Variants in MTOR observed in about 807,000 individuals in gnomAD.
MTOR encodes mechanistic target of rapamycin kinase.
MTOR carries 70 observed loss-of-function variants against 319.8 expected under a neutral mutation model. That is an observed-to-expected ratio of 0.22 (90% CI 0.18 to 0.27). The LOEUF (loss-of-function observed/expected upper bound fraction) is 0.27. Among genes scored for constraint, MTOR ranks in the 10% least tolerant of loss-of-function variants. The pLI is 1.00. For synonymous variants in MTOR, 1,183 were observed against 1,211.4 expected, an observed-to-expected ratio of 0.98 and a Z score of 0.49; for missense variants, 1,890 against 3,274.4, an observed-to-expected ratio of 0.58 and a Z score of 10.32.
At position 11,257,184 on chromosome 1, in the gene MTOR, CA is replaced by C; in HGVS notation, c.272-20del. On this transcript the variant is annotated intron_variant, in intron 3 of 57. Transcript: ENST00000361445. ...AGGCTAGCTGCAAAAGAGAGGAAGG[CA>C]AAAGGTGATGATGGGGCGTATGCTG... 6.3e-7 allele frequency: 1 copy of C among 1,598,788 alleles called. No individual in the cohort carries two copies. The highest frequency in any genetic ancestry group is 1.3e-5 in the African/African-American group (1 of 74,740).
At position 11,111,345 on chromosome 1, in the gene MTOR, G is replaced by A. The variant is rs955252040; in HGVS notation, c.7366+1507C>T. 5.3e-5 allele frequency among the ~76,000 whole-genome samples: 8 copies of A among 152,122 alleles called. No individual in the cohort carries two copies. In the South Asian group the frequency reaches 1.7e-3, roughly 32 times the overall value. On this transcript the variant is annotated intron_variant, in intron 54 of 57. Transcript: ENST00000361445. ...AATTCAAAAAAATTAGCTGAGCATGGTGGCATGCGTCTGTAATCCCAGCTA... is the reference window on the plus strand; with the variant it reads ...AATTCAAAAAAATTAGCTGAGCATGATGGCATGCGTCTGTAATCCCAGCTA...
Position 11,133,745 on chromosome 1 carries a change from C to T in MTOR, c.5247-548G>A, listed in dbSNP as rs1643270488. Among the ~76,000 whole-genome samples the T allele has an allele frequency of 6.6e-6, 1 of 152,228 alleles. No individual in the cohort carries two copies. The highest frequency in any genetic ancestry group is 2.1e-4 in the South Asian group (1 of 4,830). ...ACTGAGGCATAGAGAGGTTAAGTCA[C>T]TTCTCTGAAGTCAAATATCAAATCT... is the stretch of plus-strand genomic sequence containing the variant. On this transcript the variant is annotated intron_variant, in intron 37 of 57. Coordinates refer to ENST00000361445, the MANE Select transcript of MTOR (RefSeq NM_004958.4). The surrounding 1 kb of genome is among the most constrained non-coding windows in gnomAD (Gnocchi z 4.0).
intron 28 of MTOR, among the ~76,000 whole-genome samples, chr1:11,183,006 A>G (rs1365903922): frequency 6.6e-6 from 1 of 152,190 alleles, no homozygotes; most frequent in Non-Finnish European, 1.5e-5. Context: ...AGTTACATAT[A>G]AGGATATGTT....
intron 28 of MTOR, among the ~76,000 whole-genome samples, chr1:11,185,002 T>TA (rs1159507459): frequency 6.6e-6 from 1 of 152,208 alleles, no homozygotes; most frequent in African/African-American, 2.4e-5. Context: ...GTCTTTCACA[T>TA]AGCTGCACCT....
In MTOR at chr1:11,204,557, A is replaced by G. The variant is rs749330397; in HGVS notation, c.3944+4T>C. On this transcript the variant is annotated splice_donor_region_variant and intron_variant, in intron 26 of 57. Coordinates refer to ENST00000361445, the MANE Select transcript of MTOR (RefSeq NM_004958.4). ...TCTTCTCCACCCGCCCTGACACACT[A>G]TACCTGGCCATCGGGTTGTAGGCCT... The G allele has an allele frequency of 1.2e-6, 2 of 1,613,818 alleles. No individual in the cohort carries two copies. The highest frequency in any genetic ancestry group is 1.1e-5 in the South Asian group (1 of 91,056).
At chr1:11,240,234 A>C in intron 11 of MTOR, 69 bp downstream of exon 11, 1 of 1,494,638 alleles carries the variant, frequency 6.7e-7, no homozygotes, top group Non-Finnish European at 8.9e-7. Flanking sequence ...AATCCTAGAT[A>C]CCTTCATTCC....
At chr1:11,111,516 T>G in intron 54 of MTOR, 1 of 200,188 alleles carries the variant, frequency 5.0e-6, no homozygotes, top group Non-Finnish European at 1.0e-5. Context: ...AAAATTACCC[T>G]TTGTCAGGTG....
chr1:11,168,127 CAT>C (rs995068789), intron 28 of MTOR, among the ~76,000 whole-genome samples: 1 of 150,868 alleles, frequency 6.6e-6, no homozygotes, highest in Non-Finnish European at 1.5e-5. Context: ...AGGCAGGCAA[CAT>C]GTGTCTGTTT....
intron 30 of MTOR, among the ~76,000 whole-genome samples, chr1:11,154,391 C>T (rs887887358): frequency 3.3e-5 from 5 of 151,474 alleles, no homozygotes; most frequent in Non-Finnish European, 5.9e-5. Context: ...CACACTCAGC[C>T]TTTTAATGTT....
chr1:11,186,279 T>A (rs1645320237), intron 28 of MTOR, among the ~76,000 whole-genome samples: 1 of 152,046 alleles, frequency 6.6e-6, no homozygotes, highest in Non-Finnish European at 1.5e-5. Context: ...CAACGGGGCA[T>A]TTTCAAGCAA....
Position 11,139,418 on chromosome 1 carries a change from A to G in MTOR, c.5016T>C (p.Thr1672=), listed in dbSNP as rs569242610. 8.1e-5 allele frequency: 131 copies of G among 1,614,096 alleles called. No homozygotes were observed. In the South Asian group the frequency reaches 1.4e-3, roughly 18 times the overall value. Residue 1672 remains threonine (T), a synonymous_variant, in exon 36 of 58, where the codon ACT becomes ACC. Coordinates refer to ENST00000361445, the MANE Select transcript of MTOR (RefSeq NM_004958.4). ...KSGRLALAHK[T]LVLLLGVDPS... The stretch of plus-strand genomic sequence containing the variant: ...GATCAACTCCCAGGAGCAACACTAA[A>G]GTTTTATGAGCAAGAGCCTTAAAAA...
Position 11,152,647 on chromosome 1 carries a change from C to T in MTOR, c.4470-2421G>A, listed in dbSNP as rs546055523. On this transcript the variant is annotated intron_variant, in intron 30 of 57. Transcript: ENST00000361445. ...GGGGGTGCGGGTTGCCTAGCTCTCA[C>T]AGCCTCCTGGAGGCAGATAAGAATG... Among the ~76,000 whole-genome samples, 44 of 152,292 alleles carry T rather than the reference C, an allele frequency of 2.9e-4. No individual in the cohort carries two copies. In the South Asian group the frequency reaches 4.6e-3, roughly 16 times the overall value.
chr1:11,145,419 C>T (rs1349577117), intron 32 of MTOR: 1 of 226,546 alleles, frequency 4.4e-6, no homozygotes, highest in East Asian at 1.2e-4. Flanking sequence ...CTCTGTCACC[C>T]AGGCTGGAGT....
intron 19 of MTOR, among the ~76,000 whole-genome samples, chr1:11,218,335 CAGG>C (rs1182805658): frequency 2.6e-5 from 4 of 151,592 alleles, no homozygotes; most frequent in Non-Finnish European, 4.4e-5. Flanking sequence ...GAGGCTGAGG[CAGG>C]AGAATTGCTT....
intron 28 of MTOR, among the ~76,000 whole-genome samples, chr1:11,171,011 C>A (rs1644796174): frequency 6.6e-6 from 1 of 151,384 alleles, no homozygotes; most frequent in South Asian, 2.1e-4. Context: ...TCTGGCCAAT[C>A]CAGTGAAACC....
intron 19 of MTOR, among the ~76,000 whole-genome samples, chr1:11,218,416 C>T (rs919578933): frequency 2.0e-5 from 3 of 149,216 alleles, no homozygotes; most frequent in African/African-American, 7.4e-5. Flanking sequence ...GGCGACAGGG[C>T]GAGACTCCAT....
At chr1:11,159,222 A>G (rs1644401926) in intron 29 of MTOR, among the ~76,000 whole-genome samples, 1 of 152,230 alleles carries the variant, frequency 6.6e-6, no homozygotes, top group Non-Finnish European at 1.5e-5. Flanking sequence ...TAGGTGGAGT[A>G]CATGAAGTGC....
rs964512014 is a variant in MTOR, at chr1:11,192,401, T to C, written c.4253+6857A>G. 2.6e-6 allele frequency: 4 copies of C among 1,533,754 alleles called. No homozygotes were observed. In the African/African-American group the frequency reaches 5.5e-5, roughly 21 times the overall value. On this transcript the variant is annotated intron_variant, in intron 28 of 57. Coordinates refer to ENST00000361445, the MANE Select transcript of MTOR (RefSeq NM_004958.4). ...GTCATTACAGTCACTGGCCATGCCC[T>C]AATACCTGTCCTTCACCCCCTCAAG...
At chr1:11,218,627 C>T (rs1305257163) in intron 19 of MTOR, among the ~76,000 whole-genome samples, 1 of 151,958 alleles carries the variant, frequency 6.6e-6, no homozygotes, top group Non-Finnish European at 1.5e-5. Flanking sequence ...GTCCTTGGTG[C>T]CATTTTATTA....
Sources: gnomAD v4.1 joint callset for allele counts (sites outside exome capture counted in the v4.1 genomes callset) on GRCh38, gnomAD v4.1.1 for gene constraint, Gnocchi (gnomAD v3.1) non-coding constraint, MANE v1.5 for transcripts, NCBI Gene and HGNC (gene_info 2026-07-23, HGNC 2026-07-21) for gene names.